The following GNG12 variants were observed in gnomAD, a reference collection of about 807,000 sequenced individuals.
GNG12 encodes the protein guanine nucleotide-binding protein G(I)/G(S)/G(O) subunit gamma-12.
For synonymous variants in GNG12, 28 were observed against 29.7 expected (o/e 0.94, Z 0.19); for missense variants, 69 against 83.8 (o/e 0.82, Z 0.69).
At chr1:67,721,992 C>T (rs12145172) in intron 2 of GNG12, among the ~76,000 whole-genome samples, 10,695 of 152,118 alleles carry the variant, frequency 0.07, 406 homozygotes, top group African/African-American at 0.088. Flanking sequence ...AGCAGAAGAA[C>T]ACAGAAAGAA....
At chr1:67,791,877 G>A (rs997330963) in intron 1 of GNG12, among the ~76,000 whole-genome samples, 2 of 152,072 alleles carry the variant, frequency 1.3e-5, no homozygotes, top group African/African-American at 4.8e-5. Flanking sequence ...TCCACTCCTT[G>A]GCCCATCAGC....
intron 2 of GNG12, among the ~76,000 whole-genome samples, chr1:67,746,419 A>G (rs1017411591): frequency 3.3e-5 from 5 of 152,166 alleles, no homozygotes; most frequent in Non-Finnish European, 7.3e-5. Context: ...AAGTTACCAA[A>G]TACTTTTTTT....
chr1:67,768,147 A>G (rs1646652551), intron 2 of GNG12, among the ~76,000 whole-genome samples: 1 of 152,250 alleles, frequency 6.6e-6, no homozygotes, highest in South Asian at 2.1e-4. Context: ...GCATCCTGTG[A>G]ACCACACATA....
At chr1:67,818,915 G>A (rs941786922) in intron 1 of GNG12, among the ~76,000 whole-genome samples, 4 of 152,094 alleles carry the variant, frequency 2.6e-5, no homozygotes, top group African/African-American at 4.8e-5. Context: ...GAAGCATCAC[G>A]AGGCCTTGAA....
At chr1:67,828,893 C>T (rs760284781) in intron 1 of GNG12, among the ~76,000 whole-genome samples, 7 of 152,150 alleles carry the variant, frequency 4.6e-5, no homozygotes, top group Non-Finnish European at 8.8e-5. Flanking sequence ...GACATTTAAC[C>T]GAAGGACATT....
chr1:67,764,172 T>G (rs1229144290), intron 2 of GNG12, among the ~76,000 whole-genome samples: 3 of 152,036 alleles, frequency 2.0e-5, no homozygotes, highest in Non-Finnish European at 4.4e-5. Context: ...TGGATTGTGG[T>G]AAGGGATATG....
chr1:67,705,519 G>C lies in GNG12; in HGVS notation c.151C>G (p.Pro51Ala). ...GAAGTTGGTATTCCTATCAGCAAAGGGTCACTCCTGGCATGTTCCTCACAG... is the reference window on the plus strand; with the variant it reads ...GAAGTTGGTATTCCTATCAGCAAAGCGTCACTCCTGGCATGTTCCTCACAG... ...SYCEEHARSD[P>A]LLIGIPTSEN... Residue 51 changes from proline to alanine, a missense_variant, in exon 4 of 4, where the codon CCT (proline) becomes GCT (alanine). By Grantham distance (27) the Pro-to-Ala change is conservative. Transcript: ENST00000370982. 6.2e-7 allele frequency: 1 copy of C among 1,614,084 alleles called. No individual in the cohort carries two copies. Among genetic ancestry groups the C allele is most frequent in the Non-Finnish European group, 8.5e-7 (1 of 1,180,014 alleles).
In GNG12 at chr1:67,786,985, G is replaced by GTATA. The variant is rs1239863220; in HGVS notation, c.-76-9479_-76-9478insTATA. Among the ~76,000 whole-genome samples the GTATA allele has an allele frequency of 3.6e-3, 434 of 119,008 alleles. 4 individuals are homozygous for GTATA. Among genetic ancestry groups the GTATA allele is most frequent in the African/African-American group, 0.013 (415 of 30,916 alleles). 78.1% of individuals were successfully genotyped at this position (119,008 alleles called of 152,430 possible). A position where few individuals can be genotyped will look rare whatever the true frequency, so the allele number is the denominator to read the frequency against. ...TGTGTGTGTGTGTGTGTGTGTGTGT[G>GTATA]TATGTATATATATGTGTATATCTGT... is the stretch of plus-strand genomic sequence containing the variant. On this transcript the variant is annotated intron_variant, in intron 1 of 3. Transcript: ENST00000370982.
intron 1 of GNG12, among the ~76,000 whole-genome samples, chr1:67,790,552 T>C (rs1646795970): frequency 6.6e-6 from 1 of 152,096 alleles, no homozygotes; most frequent in South Asian, 2.1e-4. Flanking sequence ...TGTATTTATG[T>C]ATCTGCATCG....
intron 3 of GNG12, among the ~76,000 whole-genome samples, chr1:67,707,205 C>G (rs897042829): frequency 6.6e-6 from 1 of 152,214 alleles, no homozygotes; most frequent in Non-Finnish European, 1.5e-5. Flanking sequence ...TGACTTCTTA[C>G]GTGAAGCTGC....
chr1:67,779,960 A>G (rs1195640236), intron 1 of GNG12, among the ~76,000 whole-genome samples: 1 of 152,184 alleles, frequency 6.6e-6, no homozygotes, highest in East Asian at 1.9e-4. Context: ...TAAACATAGA[A>G]AAGGTATAGT....
chr1:67,717,373 G>A (rs933033474), intron 2 of GNG12, among the ~76,000 whole-genome samples: 3 of 152,012 alleles, frequency 2.0e-5, no homozygotes, highest in Admixed American at 6.5e-5. Context: ...AAAATCAGCC[G>A]GGCGTGGTGG....
In GNG12 at chr1:67,707,678, G is replaced by T; in HGVS notation, c.9C>A (p.Ser3Arg). 6.2e-7 allele frequency: 1 copy of T among 1,600,262 alleles called. No homozygotes were observed. Residue 3 changes from serine (S) to arginine (R), a missense_variant, in exon 3 of 4, where the codon AGC becomes AGA. Coordinates refer to ENST00000370982, the MANE Select transcript of GNG12 (RefSeq NM_018841.6). ...CTATATTGTTGGTGCTTGCTGTTTT[G>T]CTGGACATCTTCAATTATTGTTTTT... is the stretch of plus-strand genomic sequence containing the variant. Reference protein sequence around the residue: MSSKTASTNNIAQ... With the variant: MSRKTASTNNIAQ...
chr1:67,833,409 G>T lies in GNG12; in HGVS notation c.-142C>A. 2.0e-6 allele frequency: 2 copies of T among 985,448 alleles called. No homozygotes were observed. Among genetic ancestry groups the T allele is most frequent in the Non-Finnish European group, 2.4e-6 (2 of 830,194 alleles). 61.0% of individuals were successfully genotyped at this position (985,448 alleles called of 1,614,324 possible). ...CGGTCTCTAAGGGCTCCTGGAGACG[G>T]CTCCGACCTCTCCTCCTCCTCCTCC... On this transcript the variant is annotated 5_prime_UTR_variant, in exon 1 of 4. Transcript: ENST00000370982.
At chr1:67,801,454 A>C (rs1646865189) in intron 1 of GNG12, among the ~76,000 whole-genome samples, 1 of 152,220 alleles carries the variant, frequency 6.6e-6, no homozygotes, top group Non-Finnish European at 1.5e-5. Context: ...GCTTCCCTAC[A>C]TGCTGATTTC....
chr1:67,774,472 AG>A (rs1646693135), intron 2 of GNG12, among the ~76,000 whole-genome samples: 1 of 152,236 alleles, frequency 6.6e-6, no homozygotes. Context: ...AGTGGAGGAA[AG>A]TTTTACAAAT....
At chr1:67,716,740 G>T (rs1004799328) in intron 2 of GNG12, among the ~76,000 whole-genome samples, 2 of 152,216 alleles carry the variant, frequency 1.3e-5, no homozygotes, top group African/African-American at 2.4e-5. Flanking sequence ...CCATTCAGGG[G>T]TTGCTGTTAT....
intron 1 of GNG12, among the ~76,000 whole-genome samples, chr1:67,811,716 T>A (rs1646927048): frequency 6.6e-6 from 1 of 152,214 alleles, no homozygotes; most frequent in African/African-American, 2.4e-5. Flanking sequence ...AAAGACCTAC[T>A]TACTCTGTGG....
chr1:67,732,752 T>G (rs969799564), intron 2 of GNG12, among the ~76,000 whole-genome samples: 1 of 152,208 alleles, frequency 6.6e-6, no homozygotes, highest in African/African-American at 2.4e-5. Context: ...CCCCCAGGAC[T>G]AGGGAAAGGA....
Sources: allele counts gnomAD v4.1 joint callset (sites outside exome capture counted in the v4.1 genomes callset), GRCh38; gene constraint gnomAD v4.1.1; transcripts MANE v1.5; gene names NCBI Gene and HGNC (gene_info 2026-07-23, HGNC 2026-07-21).